FBXW4: variants seen among roughly 807,000 people sequenced by gnomAD.
The protein encoded by FBXW4 is F-box/WD repeat-containing protein 4.
FBXW4 carries 40 observed loss-of-function variants against 61.8 expected under a neutral mutation model. The ratio of observed to expected loss-of-function variants is 0.65; its 90% CI spans 0.50 to 0.84. FBXW4 has a LOEUF of 0.84. FBXW4 is among the 40% of genes least tolerant of loss of function. The probability of loss-of-function intolerance (pLI) is 0.00; values close to 1 mark genes in which losing one functional copy is unlikely to be tolerated. For missense variants in FBXW4, 672 were observed against 753.8 expected (o/e 0.89, Z 1.27); for synonymous variants, 311 against 313.8 (o/e 0.99, Z 0.10).
intron 5 of FBXW4, among the ~76,000 whole-genome samples, chr10:101,652,659 A>G (rs986588960): frequency 6.6e-6 from 1 of 152,250 alleles, no homozygotes; most frequent in Admixed American, 6.5e-5. Flanking sequence ...TCAAGCAAGG[A>G]AAAGAAAATG....
intron 1 of FBXW4, among the ~76,000 whole-genome samples, chr10:101,679,951 T>A (rs1328288876): frequency 6.6e-6 from 1 of 152,192 alleles, no homozygotes; most frequent in Non-Finnish European, 1.5e-5. Context: ...TGTGTACCCA[T>A]GCCTTAGCTC....
chr10:101,644,327 A>G (rs2064078722), intron 5 of FBXW4, among the ~76,000 whole-genome samples: 2 of 152,282 alleles, frequency 1.3e-5, no homozygotes, highest in South Asian at 4.1e-4. Context: ...GGGCAAGGGA[A>G]AGAAGGTGCT....
At chr10:101,628,583 T>C (rs187682619) in intron 5 of FBXW4, among the ~76,000 whole-genome samples, 106 of 152,332 alleles carry the variant, frequency 7.0e-4, no homozygotes, top group Non-Finnish European at 1.3e-3. Flanking sequence ...TCATGTGCAC[T>C]GTGAAGTTGG....
At chr10:101,673,801 T>G in intron 2 of FBXW4, 128 bp from the exon 3 acceptor site, 1 of 820,080 alleles carries the variant, frequency 1.2e-6, no homozygotes, top group Non-Finnish European at 1.9e-6. Flanking sequence ...TATCTATACT[T>G]GATACCCTCC....
At chr10:101,686,363 C>T (rs776255677) in intron 1 of FBXW4, among the ~76,000 whole-genome samples, 23 of 152,130 alleles carry the variant, frequency 1.5e-4, no homozygotes, top group African/African-American at 7.2e-5. Flanking sequence ...GGGAATGTGG[C>T]GCACAGCATT....
intron 5 of FBXW4, chr10:101,626,373 G>A (rs1350609020): frequency 2.0e-5 from 3 of 152,650 alleles, no homozygotes; most frequent in African/African-American, 7.2e-5. Context: ...TTAATAACTG[G>A]TAAAGCCAAT....
chr10:101,637,326 A>C (rs1023383227), intron 5 of FBXW4, among the ~76,000 whole-genome samples: 19 of 135,464 alleles, frequency 1.4e-4, no homozygotes, highest in African/African-American at 5.4e-4. Flanking sequence ...TGGGAGGCGG[A>C]GCTTGCAGTG....
intron 6 of FBXW4, among the ~76,000 whole-genome samples, chr10:101,621,313 G>A (rs2063864997): frequency 1.3e-5 from 2 of 152,218 alleles, no homozygotes; most frequent in South Asian, 4.1e-4. Context: ...GATCACTTGA[G>A]CCAACGAGTT....
rs187331935 is a variant in FBXW4, at chr10:101,669,929, G to T, written c.1141-1949C>A. Among the ~76,000 whole-genome samples the T allele has an allele frequency of 1.8e-3, 278 of 152,074 alleles. 2 individuals carry two copies. Among genetic ancestry groups the T allele is most frequent in the African/African-American group, 6.2e-3 (259 of 41,460 alleles). On this transcript the variant is annotated intron_variant, in intron 4 of 8. Transcript: ENST00000331272. ...GCCACCATGCCTGGCTAATTTTTTT[G>T]TATTTTTAGTAGACACAGGGTTTTG...
intron 5 of FBXW4, among the ~76,000 whole-genome samples, chr10:101,651,349 G>T (rs1463977724): frequency 1.3e-5 from 2 of 152,048 alleles, no homozygotes; most frequent in Non-Finnish European, 2.9e-5. Flanking sequence ...TGGGTGGGGG[G>T]TGAAAGAAGG....
At chr10:101,619,947 G>T (rs564176815) in intron 6 of FBXW4, among the ~76,000 whole-genome samples, 1 of 152,288 alleles carries the variant, frequency 6.6e-6, no homozygotes, top group South Asian at 2.1e-4. Flanking sequence ...GTGGGTGATG[G>T]CTCCCCTGAT....
chr10:101,627,018 C>A (rs12354716), intron 5 of FBXW4: 24,430 of 150,764 alleles, frequency 0.16, 2,376 homozygotes, highest in Middle Eastern at 0.24. Context: ...AGGAGGAGTG[C>A]CCCTCACCTT....
intron 5 of FBXW4, among the ~76,000 whole-genome samples, chr10:101,653,804 C>T (rs568282769): frequency 2.0e-5 from 3 of 152,132 alleles, no homozygotes; most frequent in Non-Finnish European, 4.4e-5. Flanking sequence ...ATCTTGCACA[C>T]AGCAGCATTC....
intron 5 of FBXW4, among the ~76,000 whole-genome samples, chr10:101,660,838 T>C (rs1485913168): frequency 6.6e-6 from 1 of 152,208 alleles, no homozygotes; most frequent in Non-Finnish European, 1.5e-5. Flanking sequence ...AGGCCCTGTC[T>C]CAACCTCATC....
At chr10:101,673,365 T>C in intron 3 of FBXW4, 123 bp downstream of exon 3, 6 of 1,150,744 alleles carry the variant, frequency 5.2e-6, no homozygotes, top group Non-Finnish European at 5.0e-6. Flanking sequence ...CTGCTTTAAA[T>C]GGAAAACCCT....
chr10:101,663,600 T>C (rs72844629), intron 5 of FBXW4, among the ~76,000 whole-genome samples: 15,117 of 151,260 alleles, frequency 0.1, 1,017 homozygotes, highest in Middle Eastern at 0.22. Context: ...AAGTGATATA[T>C]AATTGTGCCA....
chr10:101,653,123 G>C (rs1363050531), intron 5 of FBXW4, among the ~76,000 whole-genome samples: 1 of 152,098 alleles, frequency 6.6e-6, no homozygotes, highest in Non-Finnish European at 1.5e-5. Context: ...GGCTCACAGA[G>C]GTACTCGTCT....
Position 101,673,524 on chromosome 10 carries a change from A to G in FBXW4, c.971T>C (p.Phe324Ser), listed in dbSNP as rs1242550839. 6.2e-7 allele frequency: 1 copy of G among 1,613,838 alleles called. No homozygotes were observed. Among genetic ancestry groups the G allele is most frequent in the Admixed American group, 1.7e-5 (1 of 59,990 alleles). ...AACAATATGCGAGTTGGCCAGCACA[A>G]AGTGGCAAACGTCCTCATCATGCCC... is the stretch of plus-strand genomic sequence containing the variant. ...FAGHDEDVCH[F>S]VLANSHIVSA... Residue 324 changes from phenylalanine to serine, a missense_variant, in exon 3 of 9, where the codon TTT (phenylalanine) becomes TCT (serine). Coordinates refer to ENST00000331272, the MANE Select transcript of FBXW4 (RefSeq NM_022039.4).
intron 5 of FBXW4, among the ~76,000 whole-genome samples, chr10:101,652,620 T>A (rs955223205): frequency 6.6e-6 from 1 of 152,172 alleles, no homozygotes; most frequent in Non-Finnish European, 1.5e-5. Context: ...AAGGCAAATT[T>A]ATTATAGTTT....
Sources: allele counts gnomAD v4.1 joint callset (sites outside exome capture counted in the v4.1 genomes callset), GRCh38; gene constraint gnomAD v4.1.1; transcripts MANE v1.5; gene names NCBI Gene and HGNC (gene_info 2026-07-23, HGNC 2026-07-21).